BRWD1: variants seen among roughly 807,000 people sequenced by gnomAD.
The protein encoded by BRWD1 is bromodomain and WD repeat domain containing 1.
A neutral mutation model predicts 251.2 loss-of-function variants in BRWD1; 82 were observed. The ratio of observed to expected loss-of-function variants is 0.33; its 90% CI spans 0.27 to 0.39. The LOEUF is 0.39. BRWD1 is among the 10% of genes least tolerant of loss of function. The probability of loss-of-function intolerance (pLI) is 1.00; values close to 1 mark genes in which losing one functional copy is unlikely to be tolerated. For missense variants in BRWD1, 2,233 were observed against 2,711.6 expected (o/e 0.82, Z 3.92); for synonymous variants, 918 against 902.8 (o/e 1.02, Z -0.30).
At chr21:39,319,135 A>G (rs1002695268) in intron 1 of BRWD1, among the ~76,000 whole-genome samples, 1 of 152,128 alleles carries the variant, frequency 6.6e-6, no homozygotes, top group African/African-American at 2.4e-5. Context: ...TCACTAGTAG[A>G]TATTATATTG....
chr21:39,297,683 TTC>T (rs1368077225), intron 5 of BRWD1: 2 of 267,928 alleles, frequency 7.5e-6, no homozygotes, highest in Non-Finnish European at 1.1e-5. Context: ...GGGGTGTTCT[TTC>T]TCAGTTAAGC....
chr21:39,310,744 G>A (rs1288431763), intron 4 of BRWD1, among the ~76,000 whole-genome samples: 2 of 152,148 alleles, frequency 1.3e-5, no homozygotes, highest in Admixed American at 6.5e-5. Context: ...GGAGCACAGT[G>A]GCTTGATCAG....
chr21:39,270,420 C>A lies in BRWD1; in HGVS notation c.1258G>T (p.Glu420Ter). Residue 420 changes from glutamate to a stop codon, truncating the protein, a stop_gained, in exon 14 of 41, where the codon GAA becomes TAA. Transcript: ENST00000342449. LOFTEE classifies it high-confidence loss of function. ...TTAGGTTTCATAAACCTTTCCTCTT[C>A]GGAAGATAAGTCCCTAACAAAAAAA... ...ATRISGDLSS[E>*]EERFMKPKVT... is the part of the protein sequence containing the mutation. The A allele has an allele frequency of 6.2e-7, 1 of 1,606,422 alleles. No homozygotes were observed. Among genetic ancestry groups the A allele is most frequent in the Non-Finnish European group, 8.5e-7 (1 of 1,177,048 alleles).
rs745644637 is a variant in BRWD1 at position 39,258,621 on chromosome 21, T to A, written c.1937A>T (p.Asp646Val). 1 of 1,611,426 alleles carries A rather than the reference T, an allele frequency of 6.2e-7. No individual in the cohort carries two copies. The highest frequency in any genetic ancestry group is 8.5e-7 in the Non-Finnish European group (1 of 1,178,618). ...QIISLQTNDN[D>V]ERSPESSILD... is the part of the protein sequence containing the mutation. ...AATACTCGATTCTGGGCTGCGTTCA[T>A]CATTATCATTGGTTTGCAGGCTTAT... The change falls in exon 18 of 41, where the codon GAT becomes GTT. Residue 646 changes from aspartate (D) to valine (V), a missense_variant. Asp to Val is a radical substitution (Grantham distance 152, BLOSUM62 -3). Transcript: ENST00000342449.
chr21:39,239,036 C>G (rs1364508060), intron 21 of BRWD1, among the ~76,000 whole-genome samples: 1 of 151,914 alleles, frequency 6.6e-6, no homozygotes, highest in South Asian at 2.1e-4. Flanking sequence ...AATTAGGCTG[C>G]CTTCTTATTG....
chr21:39,229,459 T>G, intron 25 of BRWD1, 23 bp from the exon 26 acceptor site: 1 of 1,580,892 alleles, frequency 6.3e-7, no homozygotes, highest in Non-Finnish European at 8.7e-7. Flanking sequence ...TATTTTTTAA[T>G]GGTTAAAATA....
At chr21:39,304,880 A>C (rs990902723) in intron 4 of BRWD1, among the ~76,000 whole-genome samples, 1 of 151,984 alleles carries the variant, frequency 6.6e-6, no homozygotes. Flanking sequence ...GAAAACAAAA[A>C]TCCTAAATTT....
chr21:39,295,896 T>A lies in BRWD1; in HGVS notation c.456A>T (p.Ile152=). The change falls in exon 7 of 41, where the codon ATA becomes ATT. Residue 152 remains isoleucine, a synonymous_variant. Transcript: ENST00000342449. ...ACCCTGTGAGTTGTTTTCCTCGATG[T>A]ATCTCCACTAGGAAATAAAAACAAT... ...NYGSPPNLVE[I]HRGKQLTGCS... 6.3e-7 allele frequency: 1 copy of A among 1,594,610 alleles called. No individual in the cohort carries two copies. Among genetic ancestry groups the A allele is most frequent in the Non-Finnish European group, 8.6e-7 (1 of 1,169,484 alleles).
chr21:39,317,927 G>A (rs2036714479), upstream of BRWD1, among the ~76,000 whole-genome samples: 1 of 152,144 alleles, frequency 6.6e-6, no homozygotes, highest in Admixed American at 6.5e-5. Context: ...TTGGGTGACT[G>A]TAGTTTGAGC....
At chr21:39,258,718 CAAAA>C (rs770726409) in intron 17 of BRWD1, 46 bp from the exon 18 acceptor site, 3 of 1,337,326 alleles carry the variant, frequency 2.2e-6, no homozygotes, top group South Asian at 1.9e-5. Context: ...AAGCAGAAAA[CAAAA>C]AAAAATTTCG....
chr21:39,274,325 G>A (rs762471474), intron 13 of BRWD1, 49 bp downstream of exon 13: 2 of 1,310,578 alleles, frequency 1.5e-6, no homozygotes, highest in South Asian at 1.2e-5. Context: ...GAGAGAGAGA[G>A]ACAGATCGAA....
chr21:39,212,663 T>A lies in BRWD1; in HGVS notation c.3900+3A>T, dbSNP rs756002713. The A allele has an allele frequency of 2.0e-5, 31 of 1,565,720 alleles. No individual in the cohort carries two copies. Among genetic ancestry groups the A allele is most frequent in the Non-Finnish European group, 7.9e-6 (9 of 1,141,544 alleles). On this transcript the variant is annotated splice_donor_region_variant and intron_variant, in intron 34 of 40. Transcript: ENST00000342449. ...CAAAAGTCAACCATGCAGAGTAACT[T>A]ACTCTCCTCCTTCCAGAAGATGTTT...
intron 21 of BRWD1, among the ~76,000 whole-genome samples, chr21:39,241,183 G>C (rs1047244651): frequency 6.6e-6 from 1 of 150,936 alleles, no homozygotes; most frequent in African/African-American, 2.4e-5. Flanking sequence ...ATAAATAACA[G>C]GGCTGGGCAT....
intron 36 of BRWD1, 119 bp from the exon 37 acceptor site, chr21:39,206,393 T>C: frequency 2.8e-6 from 2 of 721,344 alleles, no homozygotes; most frequent in South Asian, 4.6e-5. Context: ...GTAATGGCTG[T>C]CACCCACTTC....
At chr21:39,225,250 A>AT in intron 27 of BRWD1, 53 bp from the exon 28 acceptor site, 2 of 1,286,578 alleles carry the variant, frequency 1.6e-6, no homozygotes, top group Non-Finnish European at 2.2e-6. Context: ...ATTCATTAAC[A>AT]TTTTTTTAAT....
intron 27 of BRWD1, among the ~76,000 whole-genome samples, chr21:39,226,115 T>C (rs920007010): frequency 6.6e-6 from 1 of 152,148 alleles, no homozygotes; most frequent in African/African-American, 2.4e-5. Flanking sequence ...ATAATTTCAG[T>C]TTAGATAAAA....
chr21:39,189,062 A>G lies in BRWD1; in HGVS notation c.*7197T>C. 2 of 984,690 alleles carry G rather than the reference A, an allele frequency of 2.0e-6. No homozygotes were observed. The highest frequency in any genetic ancestry group is 1.1e-4 in the East Asian group (1 of 8,816). The allele number at this position is 984,690 out of a possible 1,614,324, so 61.0% of individuals were successfully genotyped here. On this transcript the variant is annotated 3_prime_UTR_variant, in exon 41 of 41. Coordinates refer to ENST00000342449, the MANE Select transcript of BRWD1 (RefSeq NM_033656.4). ...TTAAAATTATGAACTAGTATCTCCA[A>G]CAAGTCAACCCTATATCCAAAATGA...
In BRWD1 at chr21:39,196,914, G is replaced by A; in HGVS notation, c.6155C>T (p.Ser2052Leu). Reference protein sequence around the residue: ...SKRKSSSVTSSGEDSKSHIPG... With the variant: ...SKRKSSSVTSLGEDSKSHIPG... ...AATATGACTTTTTGAATCTTCTCCT[G>A]AAGATGTAACAGAGGAACTTTTTCT... The change falls in exon 41 of 41, where the codon TCA (serine) becomes TTA (leucine). Residue 2052 changes from serine (S) to leucine (L), a missense_variant. Ser to Leu is a moderately radical substitution (Grantham distance 145, BLOSUM62 -2). Around this residue, in one of 12 missense-constraint regions of BRWD1, gnomAD observed 928 missense variants for 970.0 expected, o/e 0.96. Coordinates refer to ENST00000342449, the MANE Select transcript of BRWD1 (RefSeq NM_033656.4). 1.2e-6 allele frequency: 2 copies of A among 1,613,886 alleles called. No individual in the cohort carries two copies. Among genetic ancestry groups the A allele is most frequent in the Non-Finnish European group, 1.7e-6 (2 of 1,179,956 alleles).
intron 13 of BRWD1, 70 bp downstream of exon 13, chr21:39,274,304 C>CGAGA (rs56135543): frequency 5.5e-4 from 546 of 992,784 alleles, no homozygotes; most frequent in Admixed American, 1.7e-3. Context: ...ACACAGAGAG[C>CGAGA]GAGAGAGAGA....
Sources: gnomAD v4.1 joint callset for allele counts (sites outside exome capture counted in the v4.1 genomes callset) on GRCh38, gnomAD v4.1.1 for gene constraint, gnomAD v4.1.1 regional missense constraint, MANE v1.5 for transcripts, NCBI Gene and HGNC (gene_info 2026-07-23, HGNC 2026-07-21) for gene names.